Variants in VPS13A observed in about 807,000 individuals in gnomAD.
VPS13A encodes intermembrane lipid transfer protein VPS13A.
A neutral mutation model predicts 390.9 loss-of-function variants in VPS13A; 264 were observed. The observed-to-expected ratio is 0.68, with a 90% CI of 0.61 to 0.75. The LOEUF is 0.75. VPS13A is among the 30% of genes least tolerant of loss of function. The pLI is 0.00. For synonymous variants in VPS13A, 1,231 were observed against 1,227.1 expected, an observed-to-expected ratio of 1.00 and a Z score of -0.07; for missense variants, 3,409 against 3,733.9, an observed-to-expected ratio of 0.91 and a Z score of 2.27.
At chr9:77,213,134 C>A in intron 8 of VPS13A, 100 bp from the exon 9 acceptor site, 1 of 1,540,196 alleles carries the variant, frequency 6.5e-7, no homozygotes, top group Non-Finnish European at 9.0e-7. Context: ...ATTTGTTTAA[C>A]TCTGTGATAT....
At position 77,407,897 on chromosome 9, in the gene VPS13A, AAATT is replaced by A. The variant is rs551012766; in HGVS notation, c.9474+296_9474+299del. On this transcript the variant is annotated intron_variant, in intron 71 of 71. Transcript: ENST00000360280. The stretch of plus-strand genomic sequence containing the variant: ...TTTTAATAAAAAAGTCAACAAACAA[AAATT>A]AATTATTTTGTTTTAGTGTTAATCC... Among the ~76,000 whole-genome samples the A allele has an allele frequency of 2.3e-4, 35 of 152,284 alleles. No homozygotes were observed. The East Asian group carries it at 5.2e-3, about 23-fold the overall frequency.
At chr9:77,178,598 G>T (rs1047779333) in intron 1 of VPS13A, among the ~76,000 whole-genome samples, 4 of 152,192 alleles carry the variant, frequency 2.6e-5, no homozygotes, top group African/African-American at 9.7e-5. Flanking sequence ...CAAAAGACCG[G>T]GCTGAACAGG....
chr9:77,190,215 A>T (rs1444586572), intron 1 of VPS13A, among the ~76,000 whole-genome samples: 1 of 152,044 alleles, frequency 6.6e-6, no homozygotes, highest in Non-Finnish European at 1.5e-5. Context: ...ATTCAGTGTG[A>T]TGTTAGCTGT....
intron 62 of VPS13A, 53 bp from the exon 63 acceptor site, chr9:77,369,246 G>GA: frequency 7.1e-7 from 1 of 1,406,764 alleles, no homozygotes. Context: ...TAATGTATAA[G>GA]AAAAAATAGA....
chr9:77,324,416 G>A (rs1441425154), intron 45 of VPS13A, among the ~76,000 whole-genome samples: 3 of 152,016 alleles, frequency 2.0e-5, no homozygotes, highest in Admixed American at 6.6e-5. Flanking sequence ...GGTTGTAAAC[G>A]TTCCCTTCTA....
intron 71 of VPS13A, among the ~76,000 whole-genome samples, chr9:77,407,977 A>G (rs1246215288): frequency 1.3e-5 from 2 of 152,206 alleles, no homozygotes; most frequent in Non-Finnish European, 2.9e-5. Flanking sequence ...TTTCTACTGC[A>G]TAGCTACCGT....
At chr9:77,264,386 A>T (rs956705489) in intron 23 of VPS13A, among the ~76,000 whole-genome samples, 5 of 152,190 alleles carry the variant, frequency 3.3e-5, no homozygotes, top group Non-Finnish European at 5.9e-5. Flanking sequence ...TACCTTGGGC[A>T]GTATGGCCAT....
chr9:77,250,042 A>C, intron 20 of VPS13A, 55 bp from the exon 21 acceptor site: 1 of 1,588,288 alleles, frequency 6.3e-7, no homozygotes, highest in South Asian at 1.1e-5. Context: ...TAAACACTTT[A>C]TACTTACATT....
chr9:77,330,360 A>T (rs1180644310), intron 45 of VPS13A, among the ~76,000 whole-genome samples: 2 of 152,120 alleles, frequency 1.3e-5, no homozygotes, highest in Admixed American at 6.5e-5. Flanking sequence ...CTGCTCCCTT[A>T]GACTTTTCAA....
chr9:77,334,907 G>T (rs1830463311), intron 46 of VPS13A, among the ~76,000 whole-genome samples: 1 of 152,172 alleles, frequency 6.6e-6, no homozygotes, highest in African/African-American at 2.4e-5. Flanking sequence ...TAAGAAGGAA[G>T]TCTAATTGTT....
Position 77,359,417 on chromosome 9 carries a change from A to G in VPS13A, c.8105+15A>G, listed in dbSNP as rs1371461835. The G allele has an allele frequency of 1.9e-6, 3 of 1,592,124 alleles. No individual in the cohort carries two copies. Among genetic ancestry groups the G allele is most frequent in the Non-Finnish European group, 2.6e-6 (3 of 1,161,572 alleles). The stretch of plus-strand genomic sequence containing the variant: ...TCACGTATTAAGTAAGTGTCTTAAT[A>G]CATTTCTTGTATATTTATTTAATGT... On this transcript the variant is annotated intron_variant, in intron 58 of 71. Transcript: ENST00000360280.
intron 71 of VPS13A, among the ~76,000 whole-genome samples, chr9:77,414,265 T>C (rs1186735105): frequency 6.6e-6 from 1 of 152,212 alleles, no homozygotes; most frequent in Non-Finnish European, 1.5e-5. Flanking sequence ...TTATAAATCA[T>C]GCTGCTATAA....
At chr9:77,316,097 A>G in intron 38 of VPS13A, 77 bp from the exon 39 acceptor site, 1 of 819,760 alleles carries the variant, frequency 1.2e-6, no homozygotes, top group Non-Finnish European at 1.6e-6. Flanking sequence ...CTATTATTTC[A>G]TTTTAATATT....
At chr9:77,185,149 T>C (rs914801366) in intron 1 of VPS13A, among the ~76,000 whole-genome samples, 13 of 148,070 alleles carry the variant, frequency 8.8e-5, no homozygotes, top group African/African-American at 2.7e-4. Flanking sequence ...CATTATCTCT[T>C]TTTTTTTTTT....
At chr9:77,248,498 G>T (rs1554872092) in intron 20 of VPS13A, among the ~76,000 whole-genome samples, 1 of 152,000 alleles carries the variant, frequency 6.6e-6, no homozygotes, top group South Asian at 2.1e-4. Flanking sequence ...GATTACAGGC[G>T]TGAGCCACCA....
chr9:77,406,205 A>G (rs569973343), intron 70 of VPS13A, among the ~76,000 whole-genome samples: 8 of 152,198 alleles, frequency 5.3e-5, no homozygotes, highest in African/African-American at 1.7e-4. Flanking sequence ...ACTGACAATA[A>G]CATTCCTGGG....
chr9:77,338,865 T>A (rs1830667666), intron 47 of VPS13A: 1 of 152,360 alleles, frequency 6.6e-6, no homozygotes, highest in Non-Finnish European at 1.5e-5. Context: ...TCTGCCAGTT[T>A]CCAAAGGGTG....
intron 67 of VPS13A, among the ~76,000 whole-genome samples, chr9:77,372,511 A>G (rs1003480426): frequency 6.6e-6 from 1 of 152,162 alleles, no homozygotes; most frequent in African/African-American, 2.4e-5. Flanking sequence ...ATCTATGACA[A>G]ACCCACAGCC....
chr9:77,386,333 A>T (rs1233433913), intron 68 of VPS13A, among the ~76,000 whole-genome samples: 1 of 152,182 alleles, frequency 6.6e-6, no homozygotes, highest in Non-Finnish European at 1.5e-5. Context: ...TTGGCTTCTT[A>T]CATTCCAACT....
Sources: gnomAD v4.1 joint callset for allele counts (sites outside exome capture counted in the v4.1 genomes callset) on GRCh38, gnomAD v4.1.1 for gene constraint, MANE v1.5 for transcripts, NCBI Gene and HGNC (gene_info 2026-07-23, HGNC 2026-07-21) for gene names.